ZNF81: variants seen among roughly 807,000 people sequenced by gnomAD.
The protein encoded by ZNF81 is zinc finger protein 81.
In ZNF81, 5 loss-of-function variants were observed where a neutral mutation model predicts 32.3. The ratio of observed to expected loss-of-function variants is 0.15; its 90% CI spans 0.08 to 0.33. ZNF81 has a LOEUF of 0.33. Among genes scored for constraint, ZNF81 ranks in the 10% least tolerant of loss-of-function variants. ZNF81 has a pLI of 1.00. For synonymous variants in ZNF81, 163 were observed against 166.8 expected (o/e 0.98, Z 0.17); for missense variants, 379 against 479.8 (o/e 0.79, Z 1.96).
chrX:47,875,268 A>G (rs1009827161), intron 2 of ZNF81, among the ~76,000 whole-genome samples: 2 of 112,439 alleles, frequency 1.8e-5, no homozygotes, highest in Non-Finnish European at 3.8e-5. Context: ...AATGACATTC[A>G]TCCCATAAAC....
At chrX:47,843,462 CACAT>C (rs1241806631) in intron 1 of ZNF81, among the ~76,000 whole-genome samples, 29 of 110,534 alleles carry the variant, frequency 2.6e-4, no homozygotes, top group South Asian at 7.7e-4. Context: ...CACACACACA[CACAT>C]TCTTGACTCC....
intron 2 of ZNF81, among the ~76,000 whole-genome samples, chrX:47,861,634 G>A (rs1263105088): frequency 1.8e-5 from 2 of 111,755 alleles, no homozygotes; most frequent in Non-Finnish European, 3.8e-5. Flanking sequence ...CAGCAACACC[G>A]GGCCAATCCC....
chrX:47,846,259 G>A lies in ZNF81; in HGVS notation c.-9G>A, dbSNP rs1556880474. The A allele has an allele frequency of 7.4e-6, 9 of 1,208,068 alleles. No individual in the cohort carries two copies. Among genetic ancestry groups the A allele is most frequent in the Admixed American group, 2.2e-5 (1 of 45,724 alleles). Reference sequence around the variant, plus strand: ...AGCCCCAGGGCTGAAGTCCAAGTCCGTCGGGAACATGCCAGCTAACGAGGA... The same window carrying A: ...AGCCCCAGGGCTGAAGTCCAAGTCCATCGGGAACATGCCAGCTAACGAGGA... On this transcript the variant is annotated 5_prime_UTR_variant, in exon 2 of 5. Transcript: ENST00000338637.
At chrX:47,838,598 G>T (rs1429693928) in intron 1 of ZNF81, among the ~76,000 whole-genome samples, 1 of 110,657 alleles carries the variant, frequency 9.0e-6, no homozygotes, top group Non-Finnish European at 1.9e-5. Context: ...AGTATGGAGG[G>T]TTATGCTGAT....
Position 47,895,949 on chromosome X carries a change from G to A in ZNF81, c.277+9G>A, listed in dbSNP as rs1556887157. 1 of 1,175,145 alleles carries A rather than the reference G, an allele frequency of 8.5e-7. No individual in the cohort carries two copies. Among genetic ancestry groups the A allele is most frequent in the African/African-American group, 1.8e-5 (1 of 56,595 alleles). Reference sequence around the variant, plus strand: ...ACATCAGAGCTGTTCAGGTGAGTGGGTGTGACCCAGGCAGATGGGGACACG... The same window carrying A: ...ACATCAGAGCTGTTCAGGTGAGTGGATGTGACCCAGGCAGATGGGGACACG... On this transcript the variant is annotated intron_variant, in intron 4 of 4. Transcript: ENST00000338637.
In ZNF81 at chrX:47,916,512, G is replaced by A; in HGVS notation, c.1866G>A (p.Arg622=). 3.3e-6 allele frequency: 4 copies of A among 1,209,688 alleles called. No homozygotes were observed. Among genetic ancestry groups the A allele is most frequent in the Non-Finnish European group, 4.5e-6 (4 of 894,455 alleles). Residue 622 remains arginine, a synonymous_variant, in exon 5 of 5, where the codon AGG becomes AGA. Coordinates refer to ENST00000338637, the MANE Select transcript of ZNF81 (RefSeq NM_007137.5). The part of the protein sequence containing the change: ...CAECGKAFTD[R]SNFNKHQTIH... ...AATGTGGGAAAGCCTTCACTGATAG[G>A]TCAAATTTCAATAAACATCAGACAA...
At chrX:47,896,570 C>A (rs1556887269) in intron 4 of ZNF81, among the ~76,000 whole-genome samples, 1 of 111,746 alleles carries the variant, frequency 8.9e-6, no homozygotes, top group African/African-American at 3.3e-5. Context: ...AGCATTTCTT[C>A]TTTTAAAATC....
intron 2 of ZNF81, among the ~76,000 whole-genome samples, chrX:47,875,358 A>G (rs2058595879): frequency 8.9e-6 from 1 of 112,322 alleles, no homozygotes; most frequent in African/African-American, 3.2e-5. Flanking sequence ...AAAAGGAATC[A>G]TCCTCAGGTC....
At chrX:47,891,163 A>G (rs1284197537) in intron 3 of ZNF81, among the ~76,000 whole-genome samples, 2 of 112,442 alleles carry the variant, frequency 1.8e-5, no homozygotes, top group African/African-American at 6.5e-5. Flanking sequence ...GCCAAAAACA[A>G]ACTGCTTCTA....
At chrX:47,838,160 G>T (rs1286919779) in intron 1 of ZNF81, among the ~76,000 whole-genome samples, 1 of 111,795 alleles carries the variant, frequency 8.9e-6, no homozygotes, top group Non-Finnish European at 1.9e-5. Flanking sequence ...TTTGTCTGTT[G>T]GTCTTGTATC....
chrX:47,911,522 T>C (rs1556889936), intron 4 of ZNF81, among the ~76,000 whole-genome samples: 1 of 111,946 alleles, frequency 8.9e-6, no homozygotes, highest in African/African-American at 3.2e-5. Flanking sequence ...CATTCAAATG[T>C]TGAGCATGAA....
intron 4 of ZNF81, among the ~76,000 whole-genome samples, chrX:47,898,997 G>GT (rs1569389192): frequency 9.0e-6 from 1 of 111,414 alleles, no homozygotes; most frequent in African/African-American, 3.3e-5. Flanking sequence ...TAGTTTTCTT[G>GT]TAAGTTCCTC....
At chrX:47,879,461 C>T (rs1397550814) in intron 2 of ZNF81, among the ~76,000 whole-genome samples, 1 of 111,909 alleles carries the variant, frequency 8.9e-6, no homozygotes, top group Non-Finnish European at 1.9e-5. Flanking sequence ...CTTTATAATA[C>T]TTGTGGTAGC....
Position 47,919,595 on chromosome X carries a change from C to T in ZNF81, c.*2963C>T, listed in dbSNP as rs2058769366. The T allele has an allele frequency of 8.6e-6, 1 of 116,353 alleles. No individual in the cohort carries two copies. Among genetic ancestry groups the T allele is most frequent in the East Asian group, 2.7e-4 (1 of 3,718 alleles). 9.6% of individuals were successfully genotyped at this position (116,353 alleles called of 1,213,427 possible). On this transcript the variant is annotated 3_prime_UTR_variant, in exon 5 of 5. Transcript: ENST00000338637. ...GTTCTGGAGCCTGGAAGTCTGAGAT[C>T]AGAATCTAGCAAGGTTAGGTCTTGG...
At chrX:47,864,070 C>T (rs1556882919) in intron 2 of ZNF81, among the ~76,000 whole-genome samples, 1 of 111,480 alleles carries the variant, frequency 9.0e-6, no homozygotes, top group Admixed American at 9.5e-5. Context: ...TGATCATTAC[C>T]CAGGGAGAAG....
chrX:47,871,002 T>C (rs1251858271), intron 2 of ZNF81, among the ~76,000 whole-genome samples: 1 of 112,020 alleles, frequency 8.9e-6, no homozygotes, highest in Non-Finnish European at 1.9e-5. Context: ...CATTTTCTTT[T>C]GGAATGCATA....
chrX:47,858,365 T>C (rs1011621761), intron 2 of ZNF81, among the ~76,000 whole-genome samples: 48 of 112,198 alleles, frequency 4.3e-4, no homozygotes, highest in African/African-American at 1.5e-3. Flanking sequence ...AACTCTTCAT[T>C]TGGGAATGAG....
intron 2 of ZNF81, among the ~76,000 whole-genome samples, chrX:47,878,782 G>A (rs1556884823): frequency 2.7e-5 from 3 of 112,240 alleles, no homozygotes; most frequent in African/African-American, 6.5e-5. Flanking sequence ...AAATTGCCAC[G>A]AACTTGGTGG....
intron 4 of ZNF81, among the ~76,000 whole-genome samples, chrX:47,910,427 A>C (rs958030457): frequency 1.8e-5 from 2 of 111,814 alleles, no homozygotes; most frequent in Non-Finnish European, 3.8e-5. Context: ...TGGGCAAAGG[A>C]TATGAACAGA....
Sources: allele counts gnomAD v4.1 joint callset (sites outside exome capture counted in the v4.1 genomes callset), GRCh38; gene constraint gnomAD v4.1.1; transcripts MANE v1.5; gene names NCBI Gene and HGNC (gene_info 2026-07-23, HGNC 2026-07-21).